DYRK1A: variants seen among roughly 807,000 people sequenced by gnomAD.
DYRK1A encodes the protein dual specificity tyrosine-phosphorylation-regulated kinase 1A.
Under a neutral mutation model 79.7 loss-of-function variants are expected in DYRK1A, and 9 were observed. The ratio of observed to expected loss-of-function variants is 0.11; its 90% CI spans 0.07 to 0.20. The LOEUF is 0.20. Ranked by LOEUF, DYRK1A falls within the 10% of genes least tolerant of loss-of-function variation. The pLI is 1.00. For missense variants in DYRK1A, 622 were observed against 956.0 expected, an observed-to-expected ratio of 0.65 and a Z score of 4.61; for synonymous variants, 349 against 329.7, an observed-to-expected ratio of 1.06 and a Z score of -0.63.
intron 2 of DYRK1A, among the ~76,000 whole-genome samples, chr21:37,429,442 G>A (rs2050715724): frequency 6.6e-6 from 1 of 152,180 alleles, no homozygotes; most frequent in African/African-American, 2.4e-5. Flanking sequence ...TGGCTAGGGA[G>A]GCCTCAGGAA....
intron 9 of DYRK1A, chr21:37,502,194 A>G (rs958876639): frequency 6.6e-6 from 1 of 152,114 alleles, no homozygotes; most frequent in Non-Finnish European, 1.5e-5. Context: ...TTAAAGAATT[A>G]TTTTTGTGTT....
chr21:37,451,365 C>CCCCACCCCT (rs59321172), intron 2 of DYRK1A, among the ~76,000 whole-genome samples: 3 of 140,466 alleles, frequency 2.1e-5, no homozygotes, highest in East Asian at 2.2e-4. Context: ...TCCATCCCTC[C>CCCCACCCCT]CTCCCTCCAT....
chr21:37,498,106 A>T lies in DYRK1A; in HGVS notation c.1212+1848A>T, dbSNP rs543237736. Among the ~76,000 whole-genome samples the T allele has an allele frequency of 2.0e-5, 3 of 152,232 alleles. No homozygotes were observed. The South Asian group carries it at 6.2e-4, about 32-fold the overall frequency. Reference sequence around the variant, plus strand: ...TGGTTTGTTTACTGATTTTATTTTTACTTTTAATTTTTCATTTTACATTTC... The same window carrying T: ...TGGTTTGTTTACTGATTTTATTTTTTCTTTTAATTTTTCATTTTACATTTC... On this transcript the variant is annotated intron_variant, in intron 9 of 11. Coordinates refer to ENST00000647188, the MANE Select transcript of DYRK1A (RefSeq NM_001347721.2).
chr21:37,467,194 A>G (rs779856305), intron 2 of DYRK1A, among the ~76,000 whole-genome samples: 2 of 152,066 alleles, frequency 1.3e-5, no homozygotes, highest in African/African-American at 2.4e-5. Context: ...AATCTACCAC[A>G]CACGCATAAA....
chr21:37,495,435 A>G (rs1216683266), intron 8 of DYRK1A, among the ~76,000 whole-genome samples: 2 of 152,160 alleles, frequency 1.3e-5, no homozygotes, highest in African/African-American at 4.8e-5. Context: ...AGGTGGACAG[A>G]TCATTTGAGG....
At chr21:37,401,287 C>T (rs1001285119) in intron 1 of DYRK1A, among the ~76,000 whole-genome samples, 2 of 152,088 alleles carry the variant, frequency 1.3e-5, no homozygotes, top group Non-Finnish European at 2.9e-5. Context: ...AAGATGTTCA[C>T]ACTTAGAAAG....
At chr21:37,425,143 G>A (rs2050581838) in intron 2 of DYRK1A, among the ~76,000 whole-genome samples, 1 of 152,160 alleles carries the variant, frequency 6.6e-6, no homozygotes, top group South Asian at 2.1e-4. Flanking sequence ...TTGTTTACCA[G>A]TTTTATGTCC....
intron 2 of DYRK1A, among the ~76,000 whole-genome samples, chr21:37,442,773 TA>T: frequency 6.6e-6 from 1 of 152,246 alleles, no homozygotes. Context: ...TTGGGTGTCT[TA>T]AAAATATTTT....
chr21:37,518,753 TTA>T lies in DYRK1A; in HGVS notation c.*6223_*6224del, dbSNP rs929265975. On this transcript the variant is annotated 3_prime_UTR_variant, in exon 12 of 12. Transcript: ENST00000647188. ...GCCTCAGCCTTTCAAGTAGCTGGGATTACAGGTGCACACCACCACACCCAGCT... is the reference window on the plus strand; with the variant it reads ...GCCTCAGCCTTTCAAGTAGCTGGGATCAGGTGCACACCACCACACCCAGCT... 4 of 151,784 alleles carry T rather than the reference TTA, an allele frequency of 2.6e-5. No individual in the cohort carries two copies. The highest frequency in any genetic ancestry group is 2.6e-4 in the Admixed American group (4 of 15,234). 9.4% of individuals were successfully genotyped at this position (151,784 alleles called of 1,614,324 possible). A position where few individuals can be genotyped will look rare whatever the true frequency, so the allele number is the denominator to read the frequency against.
At chr21:37,507,877 C>T (rs1233875232) in intron 11 of DYRK1A, among the ~76,000 whole-genome samples, 2 of 152,162 alleles carry the variant, frequency 1.3e-5, no homozygotes, top group Non-Finnish European at 2.9e-5. Flanking sequence ...ACTTAGACTT[C>T]ACTTCTGAAC....
intron 1 of DYRK1A, among the ~76,000 whole-genome samples, chr21:37,413,336 A>G (rs2050276937): frequency 6.6e-6 from 1 of 152,166 alleles, no homozygotes; most frequent in South Asian, 2.1e-4. Flanking sequence ...CATACGTATA[A>G]AAGTACATAT....
chr21:37,512,665 T>G lies in DYRK1A; in HGVS notation c.*134T>G. The stretch of plus-strand genomic sequence containing the variant: ...ACCGCTACAAGAGGGCAAAGCTGAT[T>G]TTTTTTTTAACTTGAAAAGATTGCA... On this transcript the variant is annotated 3_prime_UTR_variant, in exon 12 of 12. Transcript: ENST00000647188. 2 of 1,056,792 alleles carry G rather than the reference T, an allele frequency of 1.9e-6. No individual in the cohort carries two copies. Among genetic ancestry groups the G allele is most frequent in the Non-Finnish European group, 2.7e-6 (2 of 744,582 alleles). The allele number at this position is 1,056,792 out of a possible 1,614,324, so 65.5% of individuals were successfully genotyped here. A position where few individuals can be genotyped will look rare whatever the true frequency, so the allele number is the denominator to read the frequency against.
intron 2 of DYRK1A, among the ~76,000 whole-genome samples, chr21:37,462,797 C>A (rs2051886964): frequency 6.6e-6 from 1 of 152,104 alleles, no homozygotes; most frequent in Non-Finnish European, 1.5e-5. Flanking sequence ...GATAGGAAAC[C>A]AGGGGGATTG....
rs545141849 is a variant in DYRK1A at position 37,473,662 on chromosome 21, G to T, written c.207+782G>T. ...GTTTAGGTCTTTTAATATATTGTGT[G>T]AGGATAAAAGAGTTGGGAGATTTAA... is the stretch of plus-strand genomic sequence containing the variant. On this transcript the variant is annotated intron_variant, in intron 3 of 11. Transcript: ENST00000647188. Among the ~76,000 whole-genome samples, 93 of 152,296 alleles carry T rather than the reference G, an allele frequency of 6.1e-4. 2 individuals are homozygous for T. In the South Asian group the frequency reaches 0.019, roughly 31 times the overall value.
chr21:37,446,233 G>C (rs527280284), intron 2 of DYRK1A, among the ~76,000 whole-genome samples: 4 of 152,238 alleles, frequency 2.6e-5, no homozygotes, highest in African/African-American at 9.6e-5. Context: ...CTCTCATTTT[G>C]CATGTAATGG....
chr21:37,404,242 C>T (rs781579142), intron 1 of DYRK1A, among the ~76,000 whole-genome samples: 1 of 152,074 alleles, frequency 6.6e-6, no homozygotes, highest in Non-Finnish European at 1.5e-5. Context: ...ATGCACATAC[C>T]CAGAATAATG....
intron 7 of DYRK1A, among the ~76,000 whole-genome samples, chr21:37,491,084 A>G (rs2053077151): frequency 6.6e-6 from 1 of 152,208 alleles, no homozygotes; most frequent in Non-Finnish European, 1.5e-5. Flanking sequence ...TTGTTTTGAT[A>G]AATAAGTTTG....
chr21:37,454,287 C>A (rs906649943), intron 2 of DYRK1A, among the ~76,000 whole-genome samples: 1 of 151,562 alleles, frequency 6.6e-6, no homozygotes, highest in East Asian at 1.9e-4. Flanking sequence ...GAGATGGGAT[C>A]TCTCTGTGTT....
intron 2 of DYRK1A, among the ~76,000 whole-genome samples, chr21:37,433,407 A>T (rs186536866): frequency 6.6e-6 from 1 of 152,362 alleles, no homozygotes; most frequent in African/African-American, 2.4e-5. Flanking sequence ...GCCCAGGCTG[A>T]GTTAGGATTG....
Sources: gnomAD v4.1 joint callset for allele counts (sites outside exome capture counted in the v4.1 genomes callset) on GRCh38, gnomAD v4.1.1 for gene constraint, MANE v1.5 for transcripts, NCBI Gene and HGNC (gene_info 2026-07-23, HGNC 2026-07-21) for gene names.